The following SHOC2 variants were observed in gnomAD, a reference collection of about 807,000 sequenced individuals.
SHOC2 encodes SHOC2 leucine rich repeat scaffold protein.
In SHOC2, 4 loss-of-function variants were observed where a neutral mutation model predicts 50.2. The ratio of observed to expected loss-of-function variants is 0.08; its 90% CI spans 0.04 to 0.18. SHOC2 has a LOEUF of 0.18. SHOC2 is among the 10% of genes least tolerant of loss of function. The pLI, the probability that SHOC2 is intolerant of heterozygous loss-of-function variation, is 1.00. For synonymous variants in SHOC2, 218 were observed against 244.5 expected, an observed-to-expected ratio of 0.89 and a Z score of 1.01; for missense variants, 388 against 669.6, an observed-to-expected ratio of 0.58 and a Z score of 4.64.
At chr10:110,946,293 A>G (rs1348970855) in intron 1 of SHOC2, among the ~76,000 whole-genome samples, 3 of 151,208 alleles carry the variant, frequency 2.0e-5, no homozygotes, top group South Asian at 2.1e-4. Context: ...GAAGAAATTT[A>G]TTCTAAAAAA....
chr10:110,981,011 A>G (rs1369113809), intron 2 of SHOC2, among the ~76,000 whole-genome samples: 2 of 152,150 alleles, frequency 1.3e-5, no homozygotes, highest in Non-Finnish European at 2.9e-5. Flanking sequence ...AACTTGTTTC[A>G]TTTCCTGCAC....
At chr10:111,004,514 C>A in intron 4 of SHOC2, 92 bp from the exon 5 acceptor site, 5 of 880,912 alleles carry the variant, frequency 5.7e-6, no homozygotes, top group Non-Finnish European at 5.6e-6. Flanking sequence ...CCCCCCAAAG[C>A]CCTTTGAGGC....
chr10:110,973,536 A>G (rs1342438045), intron 2 of SHOC2, among the ~76,000 whole-genome samples: 1 of 152,026 alleles, frequency 6.6e-6, no homozygotes, highest in Non-Finnish European at 1.5e-5. Flanking sequence ...TATCAGGGTA[A>G]TACTGTCCTC....
intron 1 of SHOC2, among the ~76,000 whole-genome samples, chr10:110,934,571 T>C (rs1378119956): frequency 1.3e-5 from 2 of 152,212 alleles, no homozygotes; most frequent in African/African-American, 4.8e-5. Flanking sequence ...ATTTCTAATA[T>C]TTTGCTATTT....
intron 8 of SHOC2, 112 bp downstream of exon 8, chr10:111,009,942 A>T: frequency 1.4e-6 from 1 of 716,270 alleles, no homozygotes. Flanking sequence ...AGGTTATATC[A>T]GGCTTAAGAT....
intron 2 of SHOC2, among the ~76,000 whole-genome samples, chr10:110,976,528 C>A (rs778807235): frequency 5.9e-5 from 9 of 152,058 alleles, no homozygotes; most frequent in Non-Finnish European, 1.0e-4. Flanking sequence ...CCAGAGTGGT[C>A]TTTAAACTCC....
intron 2 of SHOC2, among the ~76,000 whole-genome samples, chr10:110,974,191 G>A (rs1170891541): frequency 6.6e-6 from 1 of 151,830 alleles, no homozygotes; most frequent in Admixed American, 6.6e-5. Context: ...ACAAATTTTG[G>A]CAGGTTATCT....
chr10:110,940,233 A>G (rs1461967372), intron 1 of SHOC2, among the ~76,000 whole-genome samples: 1 of 152,168 alleles, frequency 6.6e-6, no homozygotes, highest in Non-Finnish European at 1.5e-5. Flanking sequence ...CTAGAAAGCA[A>G]TGCTGCCTTT....
chr10:110,954,796 C>G (rs193225907), intron 1 of SHOC2, among the ~76,000 whole-genome samples: 4 of 152,226 alleles, frequency 2.6e-5, no homozygotes, highest in Admixed American at 2.6e-4. Flanking sequence ...TATAAAGAGT[C>G]AGCCATGTGA....
chr10:110,982,251 A>G (rs1437716851), intron 2 of SHOC2, among the ~76,000 whole-genome samples: 1 of 150,094 alleles, frequency 6.7e-6, no homozygotes, highest in Non-Finnish European at 1.5e-5. Flanking sequence ...AATCCAGTCT[A>G]TCATTGTTGG....
intron 2 of SHOC2, among the ~76,000 whole-genome samples, chr10:110,975,381 A>G (rs1241377080): frequency 6.6e-6 from 1 of 152,058 alleles, no homozygotes; most frequent in Non-Finnish European, 1.5e-5. Context: ...TGACCTCGTG[A>G]TCTGCCTGCC....
chr10:110,951,401 G>A (rs1334339931), intron 1 of SHOC2, among the ~76,000 whole-genome samples: 32 of 152,118 alleles, frequency 2.1e-4, no homozygotes, highest in Non-Finnish European at 4.0e-4. Context: ...AAGTGTTGGT[G>A]GGGATATAGA....
chr10:111,013,593 T>G lies in SHOC2; in HGVS notation c.*1775T>G, dbSNP rs535776105. The G allele has an allele frequency of 1.3e-5, 2 of 151,810 alleles. No individual in the cohort carries two copies. The highest frequency in any genetic ancestry group is 6.6e-5 in the Admixed American group (1 of 15,232). The allele number at this position is 151,810 out of a possible 1,614,324, so 9.4% of individuals were successfully genotyped here. ...CAAGTAATATCCTTTCTTTTTTTTT[T>G]CCCCCCATCTGCTGTGGCTTTTCAG... On this transcript the variant is annotated 3_prime_UTR_variant, in exon 9 of 9. Coordinates refer to ENST00000369452, the MANE Select transcript of SHOC2 (RefSeq NM_007373.4).
intron 3 of SHOC2, among the ~76,000 whole-genome samples, chr10:110,989,400 G>A (rs1848140931): frequency 6.6e-6 from 1 of 152,206 alleles, no homozygotes. Context: ...TTGGTTGGCT[G>A]AAGTCAATCT....
chr10:110,997,929 T>G (rs1337172947), intron 3 of SHOC2, among the ~76,000 whole-genome samples: 1 of 152,158 alleles, frequency 6.6e-6, no homozygotes, highest in Non-Finnish European at 1.5e-5. Context: ...ATGACTTAAT[T>G]AACATATTTT....
At chr10:110,982,486 T>G (rs1050220971) in intron 2 of SHOC2, among the ~76,000 whole-genome samples, 3 of 152,116 alleles carry the variant, frequency 2.0e-5, no homozygotes, top group African/African-American at 7.2e-5. Flanking sequence ...TGTAAAAGTG[T>G]TCTTATTTTT....
chr10:111,001,512 G>A (rs1041790193), intron 4 of SHOC2, among the ~76,000 whole-genome samples: 1 of 151,984 alleles, frequency 6.6e-6, no homozygotes, highest in African/African-American at 2.4e-5. Context: ...TTTTACTATT[G>A]ACTTTCTTTT....
intron 1 of SHOC2, among the ~76,000 whole-genome samples, chr10:110,952,845 A>G (rs185654021): frequency 8.3e-4 from 126 of 152,262 alleles, no homozygotes; most frequent in Middle Eastern, 3.4e-3. Context: ...AGTTTGTTGA[A>G]GATGATGGCT....
chr10:110,934,403 AT>A (rs1278339813), intron 1 of SHOC2, among the ~76,000 whole-genome samples: 1 of 152,194 alleles, frequency 6.6e-6, no homozygotes, highest in Admixed American at 6.5e-5. Flanking sequence ...GATGAAATAT[AT>A]CTGTATTCCT....
Sources: gnomAD v4.1 joint callset for allele counts (sites outside exome capture counted in the v4.1 genomes callset) on GRCh38, gnomAD v4.1.1 for gene constraint, MANE v1.5 for transcripts, NCBI Gene and HGNC (gene_info 2026-07-23, HGNC 2026-07-21) for gene names.